Variants in POFUT2 observed in about 807,000 individuals in gnomAD.
POFUT2 encodes protein O-fucosyltransferase 2, also known as GDP-fucose protein O-fucosyltransferase 2.
A neutral mutation model predicts 55.0 loss-of-function variants in POFUT2; 30 were observed. That is an observed-to-expected ratio of 0.55 (90% CI 0.41 to 0.74). The LOEUF is 0.74. POFUT2 is among the 30% of genes least tolerant of loss of function. The probability of loss-of-function intolerance (pLI) is 0.00; values close to 1 mark genes in which losing one functional copy is unlikely to be tolerated. For missense variants in POFUT2, 524 were observed against 562.6 expected (o/e 0.93, Z 0.69); for synonymous variants, 267 against 231.1 (o/e 1.16, Z -1.41).
In POFUT2 at chr21:45,267,798, C is replaced by G. The variant is rs2093170672; in HGVS notation, c.1013-85G>C. The G allele has an allele frequency of 3.2e-6, 4 of 1,243,580 alleles. No individual in the cohort carries two copies. The highest frequency in any genetic ancestry group is 4.6e-6 in the Non-Finnish European group (4 of 867,204). The allele number at this position is 1,243,580 out of a possible 1,614,324, so 77.0% of individuals were successfully genotyped here. A position where few individuals can be genotyped will look rare whatever the true frequency, so the allele number is the denominator to read the frequency against. On this transcript the variant is annotated intron_variant, in intron 7 of 8. Transcript: ENST00000349485. This position sits in a 1 kb window ranked among gnomAD's most constrained non-coding sequence, Gnocchi z 4.4. ...ACTCTTTAGCAGACAGACATGCGTA[C>G]TTGGCTTCTGGTTAATTCGTTAGGA...
chr21:45,280,088 G>T (rs1017256954), intron 4 of POFUT2, among the ~76,000 whole-genome samples: 1 of 152,086 alleles, frequency 6.6e-6, no homozygotes, highest in African/African-American at 2.4e-5. Flanking sequence ...AGGACATTCC[G>T]CACGGGCACA....
intron 4 of POFUT2, among the ~76,000 whole-genome samples, chr21:45,280,995 T>C (rs73371024): frequency 0.021 from 3,258 of 152,340 alleles, 122 homozygotes; most frequent in African/African-American, 0.073. Flanking sequence ...TTTCCCATCT[T>C]GTTGAAGAAA....
rs572032295 is a variant in POFUT2 at position 45,282,617 on chromosome 21, T to C, written c.528-158A>G. ...GTGACTGCAGATCGTGACATTCTAG[T>C]AAAATTTTAAAAGAAGCCCATGAGT... On this transcript the variant is annotated intron_variant, in intron 3 of 8. Transcript: ENST00000349485. The surrounding 1 kb of genome is among the most constrained non-coding windows in gnomAD (Gnocchi z 4.6). 2.0e-5 allele frequency among the ~76,000 whole-genome samples: 3 copies of C among 152,316 alleles called. No individual in the cohort carries two copies. The highest frequency in any genetic ancestry group is 4.1e-4 in the South Asian group (2 of 4,826).
At chr21:45,278,881 C>A (rs1161693284) in intron 4 of POFUT2, among the ~76,000 whole-genome samples, 3 of 152,158 alleles carry the variant, frequency 2.0e-5, no homozygotes, top group Admixed American at 6.5e-5. Flanking sequence ...TCTGACAAGT[C>A]ATCCTGGTGC....
chr21:45,276,315 A>G (rs2093263629), intron 6 of POFUT2, among the ~76,000 whole-genome samples: 1 of 152,138 alleles, frequency 6.6e-6, no homozygotes, highest in South Asian at 2.1e-4. Flanking sequence ...TTTTTTCCCC[A>G]GTAAAAACTG....
rs756770316 is a variant in POFUT2 at position 45,265,460 on chromosome 21, G to C, written c.*22C>G. On this transcript the variant is annotated 3_prime_UTR_variant, in exon 9 of 9. Coordinates refer to ENST00000349485, the MANE Select transcript of POFUT2 (RefSeq NM_133635.6). This position sits in a 1 kb window ranked among gnomAD's most constrained non-coding sequence, Gnocchi z 4.6. ...TCCACCCGCGCCTGTCGGGTCCGGG[G>C]AGCGGCCCTGGAGGATCCTCCTCAG... 1 of 1,591,648 alleles carries C rather than the reference G, an allele frequency of 6.3e-7. No individual in the cohort carries two copies. The highest frequency in any genetic ancestry group is 1.8e-5 in the Admixed American group (1 of 55,928).
rs373860282 is a variant in POFUT2 at position 45,277,165 on chromosome 21, G to A, written c.706-23C>T. The stretch of plus-strand genomic sequence containing the variant: ...GGTCTGTGGAAACGGCGACGGCTCG[G>A]CTGAGAACACGCCCGCCCGCCACGC... On this transcript the variant is annotated intron_variant, in intron 5 of 8. Coordinates refer to ENST00000349485, the MANE Select transcript of POFUT2 (RefSeq NM_133635.6). The surrounding 1 kb of genome is among the most constrained non-coding windows in gnomAD (Gnocchi z 6.9). The A allele has an allele frequency of 3.7e-6, 6 of 1,608,266 alleles. No individual in the cohort carries two copies. The highest frequency in any genetic ancestry group is 5.1e-6 in the Non-Finnish European group (6 of 1,178,828).
Position 45,284,548 on chromosome 21 carries a change from G to A in POFUT2, c.383-1021C>T, listed in dbSNP as rs534034288. Among the ~76,000 whole-genome samples, 4 of 152,210 alleles carry A rather than the reference G, an allele frequency of 2.6e-5. No homozygotes were observed. Among genetic ancestry groups the A allele is most frequent in the Non-Finnish European group, 5.9e-5 (4 of 68,042 alleles). On this transcript the variant is annotated intron_variant, in intron 2 of 8. Coordinates refer to ENST00000349485, the MANE Select transcript of POFUT2 (RefSeq NM_133635.6). The surrounding 1 kb of genome is among the most constrained non-coding windows in gnomAD (Gnocchi z 5.8). Reference sequence around the variant, plus strand: ...TGGATGGCAGGTAAGCGTGAGACCAGCATATGTGCCTCAGAAGCTCATTAC... The same window carrying A: ...TGGATGGCAGGTAAGCGTGAGACCAACATATGTGCCTCAGAAGCTCATTAC...
Position 45,267,128 on chromosome 21 carries a change from C to T in POFUT2, c.1136+462G>A. ...ACGATCACACGAGGGCCCATGCTCC[C>T]AGCCTTGGGGACGCTCATGGCAGCC... On this transcript the variant is annotated intron_variant, in intron 8 of 8. Coordinates refer to ENST00000349485, the MANE Select transcript of POFUT2 (RefSeq NM_133635.6). This position sits in a 1 kb window ranked among gnomAD's most constrained non-coding sequence, Gnocchi z 4.4. 2.5e-6 allele frequency: 3 copies of T among 1,220,762 alleles called. No individual in the cohort carries two copies. The highest frequency in any genetic ancestry group is 3.1e-6 in the Non-Finnish European group (3 of 969,384). The allele number at this position is 1,220,762 out of a possible 1,614,324, so 75.6% of individuals were successfully genotyped here. A position where few individuals can be genotyped will look rare whatever the true frequency, so the allele number is the denominator to read the frequency against.
At chr21:45,269,816 A>T (rs1364290872) in intron 7 of POFUT2, 23 bp downstream of exon 7, 10 of 1,578,654 alleles carry the variant, frequency 6.3e-6, no homozygotes, top group East Asian at 4.5e-5. Flanking sequence ...AAGGAAAGAA[A>T]CGAAAGCATT....
At position 45,285,272 on chromosome 21, in the gene POFUT2, T is replaced by C. The variant is rs2031249668; in HGVS notation, c.382+406A>G. 1 of 256,412 alleles carries C rather than the reference T, an allele frequency of 3.9e-6. No homozygotes were observed. Among genetic ancestry groups the C allele is most frequent in the Non-Finnish European group, 7.8e-6 (1 of 127,906 alleles). The allele number at this position is 256,412 out of a possible 1,614,324, so 15.9% of individuals were successfully genotyped here. ...CACAAAATTAAACGAGACAGACCTT[T>C]ATCCCTGGCGCTGCACTGAGACACC... is the stretch of plus-strand genomic sequence containing the variant. On this transcript the variant is annotated intron_variant, in intron 2 of 8. Transcript: ENST00000349485. The surrounding 1 kb of genome is among the most constrained non-coding windows in gnomAD (Gnocchi z 4.9).
chr21:45,267,182 G>A lies in POFUT2; in HGVS notation c.1136+408C>T, dbSNP rs1051626681. 66 of 1,338,654 alleles carry A rather than the reference G, an allele frequency of 4.9e-5. No homozygotes were observed. The highest frequency in any genetic ancestry group is 8.9e-5 in the African/African-American group (6 of 67,458). 82.9% of individuals were successfully genotyped at this position (1,338,654 alleles called of 1,614,324 possible). On this transcript the variant is annotated intron_variant, in intron 8 of 8. Coordinates refer to ENST00000349485, the MANE Select transcript of POFUT2 (RefSeq NM_133635.6). The surrounding 1 kb of genome is among the most constrained non-coding windows in gnomAD (Gnocchi z 4.4). Reference sequence around the variant, plus strand: ...CGAGAATGATCACACGAGGGCCCACGCTCCCGGCCTCGGGGACGCTCACGG... The same window carrying A: ...CGAGAATGATCACACGAGGGCCCACACTCCCGGCCTCGGGGACGCTCACGG...
chr21:45,265,805 C>A lies in POFUT2; in HGVS notation c.1137-170G>T. The A allele has an allele frequency of 7.0e-7, 1 of 1,422,100 alleles. No individual in the cohort carries two copies. The highest frequency in any genetic ancestry group is 1.5e-5 in the South Asian group (1 of 67,312). The allele number at this position is 1,422,100 out of a possible 1,614,324, so 88.1% of individuals were successfully genotyped here. On this transcript the variant is annotated intron_variant, in intron 8 of 8. Coordinates refer to ENST00000349485, the MANE Select transcript of POFUT2 (RefSeq NM_133635.6). The surrounding 1 kb of genome is among the most constrained non-coding windows in gnomAD (Gnocchi z 4.6). The stretch of plus-strand genomic sequence containing the variant: ...AGCCGGCCGCCCCCTTGCTGGCACC[C>A]CTCGCTCAGGTGCCCTCGACATCGG...
intron 7 of POFUT2, among the ~76,000 whole-genome samples, chr21:45,268,055 A>G (rs535644530): frequency 1.3e-5 from 2 of 152,022 alleles, no homozygotes; most frequent in Admixed American, 1.3e-4. Flanking sequence ...CCAAAGCTGG[A>G]CTGTGCTGCT....
rs1421962451 is a variant in POFUT2, at chr21:45,285,025, C to G, written c.382+653G>C. Among the ~76,000 whole-genome samples the G allele has an allele frequency of 6.6e-6, 1 of 152,180 alleles. No individual in the cohort carries two copies. The highest frequency in any genetic ancestry group is 2.4e-5 in the African/African-American group (1 of 41,440). On this transcript the variant is annotated intron_variant, in intron 2 of 8. Transcript: ENST00000349485. The surrounding 1 kb of genome is among the most constrained non-coding windows in gnomAD (Gnocchi z 4.9). Reference sequence around the variant, plus strand: ...ACTCCTTGGCAGGGAGCAAAGGTCTCTAAGCCCCGAGAGTGGCTGTCGAGT... The same window carrying G: ...ACTCCTTGGCAGGGAGCAAAGGTCTGTAAGCCCCGAGAGTGGCTGTCGAGT...
At chr21:45,279,432 A>G (rs575318104) in intron 4 of POFUT2, among the ~76,000 whole-genome samples, 4 of 152,182 alleles carry the variant, frequency 2.6e-5, no homozygotes, top group Non-Finnish European at 5.9e-5. Flanking sequence ...AAAAAATGTA[A>G]TCTCTACAGA....
At chr21:45,279,066 CA>C (rs531129702) in intron 4 of POFUT2, among the ~76,000 whole-genome samples, 71 of 152,272 alleles carry the variant, frequency 4.7e-4, no homozygotes, top group Non-Finnish European at 9.1e-4. Flanking sequence ...GGCTGGAATA[CA>C]AAAACGCAGA....
Position 45,277,392 on chromosome 21 carries a change from C to T in POFUT2, c.706-250G>A, listed in dbSNP as rs989079691. On this transcript the variant is annotated intron_variant, in intron 5 of 8. Coordinates refer to ENST00000349485, the MANE Select transcript of POFUT2 (RefSeq NM_133635.6). The surrounding 1 kb of genome is among the most constrained non-coding windows in gnomAD (Gnocchi z 6.9). ...TGCCAGCCCCTGCCGTGGGAAGCTG[C>T]GGCACACACTGGGCTCAGCTGGCCG... 2 of 500,168 alleles carry T rather than the reference C, an allele frequency of 4.0e-6. No individual in the cohort carries two copies. Among genetic ancestry groups the T allele is most frequent in the East Asian group, 3.8e-5 (1 of 26,368 alleles). 31.0% of individuals were successfully genotyped at this position (500,168 alleles called of 1,614,324 possible). A position where few individuals can be genotyped will look rare whatever the true frequency, so the allele number is the denominator to read the frequency against.
chr21:45,277,491 G>A lies in POFUT2; in HGVS notation c.706-349C>T, dbSNP rs951193674. The A allele has an allele frequency of 1.9e-5, 6 of 318,630 alleles. No homozygotes were observed. The highest frequency in any genetic ancestry group is 7.9e-5 in the East Asian group (1 of 12,628). 19.7% of individuals were successfully genotyped at this position (318,630 alleles called of 1,614,324 possible). A position where few individuals can be genotyped will look rare whatever the true frequency, so the allele number is the denominator to read the frequency against. ...CCCCAACTCGACTTCTAGCTTAGGC[G>A]GTTAGCACATCCTGCTTTGCCAAAC... On this transcript the variant is annotated intron_variant, in intron 5 of 8. Transcript: ENST00000349485. This position sits in a 1 kb window ranked among gnomAD's most constrained non-coding sequence, Gnocchi z 6.9.
Sources: gnomAD v4.1 joint callset for allele counts (sites outside exome capture counted in the v4.1 genomes callset) on GRCh38, gnomAD v4.1.1 for gene constraint, Gnocchi (gnomAD v3.1) non-coding constraint, MANE v1.5 for transcripts, NCBI Gene and HGNC (gene_info 2026-07-23, HGNC 2026-07-21) for gene names.